The following CSMD1 variants were observed in gnomAD, a reference collection of about 807,000 sequenced individuals.
CSMD1 encodes the protein CUB and Sushi multiple domains 1.
Under a neutral mutation model 417.5 loss-of-function variants are expected in CSMD1, and 213 were observed. The observed-to-expected ratio is 0.51, with a 90% CI of 0.46 to 0.57. CSMD1 has a LOEUF of 0.57. Among genes scored for constraint, CSMD1 ranks in the 20% least tolerant of loss-of-function variants. CSMD1 has a pLI of 0.00. For synonymous variants in CSMD1, 2,862 were observed against 1,736.8 expected (o/e 1.65, Z -16.11); for missense variants, 6,923 against 4,529.7 (o/e 1.53, Z -15.17).
intron 3 of CSMD1, among the ~76,000 whole-genome samples, chr8:4,050,675 A>C (rs1798379336): frequency 6.6e-6 from 1 of 152,052 alleles, no homozygotes; most frequent in Admixed American, 6.6e-5. Flanking sequence ...TGGACCCATT[A>C]CACATCCCCA....
intron 7 of CSMD1, among the ~76,000 whole-genome samples, chr8:3,702,747 G>C (rs1027747348): frequency 1.3e-5 from 2 of 152,180 alleles, no homozygotes; most frequent in Non-Finnish European, 2.9e-5. Flanking sequence ...CAGGAGAATC[G>C]CTGGAACCTG....
At chr8:4,885,753 A>G (rs531718409) in intron 1 of CSMD1, among the ~76,000 whole-genome samples, 1 of 151,886 alleles carries the variant, frequency 6.6e-6, no homozygotes, top group African/African-American at 2.4e-5. Context: ...AAATGAAACA[A>G]TATTTTCACT....
chr8:3,434,236 A>C (rs533286535), intron 12 of CSMD1, among the ~76,000 whole-genome samples: 90 of 152,312 alleles, frequency 5.9e-4, no homozygotes, highest in Non-Finnish European at 1.2e-3. Flanking sequence ...TACCTCTGTA[A>C]GGTACGACTA....
At chr8:3,799,237 T>C (rs1201602742) in intron 5 of CSMD1, among the ~76,000 whole-genome samples, 1 of 151,650 alleles carries the variant, frequency 6.6e-6, no homozygotes, top group Non-Finnish European at 1.5e-5. Flanking sequence ...TACAGTTTTT[T>C]TTCTTTGATC....
At position 4,805,657 on chromosome 8, in the gene CSMD1, T is replaced by G. The variant is rs533647299; in HGVS notation, c.86-168099A>C. Among the ~76,000 whole-genome samples the G allele has an allele frequency of 3.3e-5, 5 of 152,284 alleles. No homozygotes were observed. The East Asian group carries it at 9.7e-4, about 29-fold the overall frequency. On this transcript the variant is annotated intron_variant, in intron 1 of 69. Coordinates refer to ENST00000635120, the MANE Select transcript of CSMD1 (RefSeq NM_033225.6). Reference sequence around the variant, plus strand: ...TGCTTGTGAACCATCTTTAAACACATAAATTATTTTAAAATAAAATACTTT... The same window carrying G: ...TGCTTGTGAACCATCTTTAAACACAGAAATTATTTTAAAATAAAATACTTT...
At chr8:4,640,118 A>G (rs1204070256) in intron 1 of CSMD1, among the ~76,000 whole-genome samples, 1 of 152,230 alleles carries the variant, frequency 6.6e-6, no homozygotes, top group Admixed American at 6.5e-5. Flanking sequence ...AGATGAACAG[A>G]TATGAAGATT....
chr8:4,276,278 G>A (rs559402609), intron 3 of CSMD1, among the ~76,000 whole-genome samples: 41 of 152,240 alleles, frequency 2.7e-4, no homozygotes, highest in East Asian at 7.7e-4. Flanking sequence ...TATACACCAC[G>A]GAATACTATG....
intron 12 of CSMD1, among the ~76,000 whole-genome samples, chr8:3,455,092 T>A (rs1213677381): frequency 1.3e-5 from 2 of 152,212 alleles, no homozygotes; most frequent in Non-Finnish European, 2.9e-5. Flanking sequence ...CCTTTCTTTC[T>A]ATCGATCGAA....
intron 37 of CSMD1, among the ~76,000 whole-genome samples, chr8:3,170,672 G>A (rs968594326): frequency 2.6e-5 from 4 of 152,098 alleles, no homozygotes; most frequent in African/African-American, 9.7e-5. Context: ...ATTAATCCAT[G>A]GATCATGCAC....
intron 26 of CSMD1, among the ~76,000 whole-genome samples, chr8:3,244,240 C>G (rs181689326): frequency 2.6e-5 from 4 of 152,250 alleles, no homozygotes; most frequent in African/African-American, 4.8e-5. Context: ...ACTTTTTATT[C>G]TTTCTTTTCC....
chr8:3,989,726 T>C (rs915094083), intron 5 of CSMD1, among the ~76,000 whole-genome samples: 9 of 152,352 alleles, frequency 5.9e-5, no homozygotes, highest in African/African-American at 2.2e-4. Context: ...TACTTGTATT[T>C]ACTAAAGTCA....
intron 3 of CSMD1, among the ~76,000 whole-genome samples, chr8:4,277,106 A>G (rs1796530697): frequency 6.6e-6 from 1 of 152,160 alleles, no homozygotes; most frequent in Non-Finnish European, 1.5e-5. Context: ...TTTTCTGCCA[A>G]TTAAAAATAG....
chr8:4,859,776 A>C (rs1312802920), intron 1 of CSMD1, among the ~76,000 whole-genome samples: 2 of 152,020 alleles, frequency 1.3e-5, no homozygotes, highest in Non-Finnish European at 2.9e-5. Flanking sequence ...GCTGGAGAGG[A>C]TGTGGAGAAA....
rs1807515468 is a variant in CSMD1, at chr8:3,002,667, T to C, written c.8030-2536A>G. The stretch of plus-strand genomic sequence containing the variant: ...AGGACTCCTTTTAAACCTTAATATT[T>C]TTCTGAACTGAGTTTTTTGTAAGTG... On this transcript the variant is annotated intron_variant, in intron 52 of 69. Coordinates refer to ENST00000635120, the MANE Select transcript of CSMD1 (RefSeq NM_033225.6). Among the ~76,000 whole-genome samples the C allele has an allele frequency of 1.3e-5, 2 of 152,212 alleles. 1 individual carries two copies. The highest frequency in any genetic ancestry group is 1.3e-4 in the Admixed American group (2 of 15,284).
In CSMD1 at chr8:3,400,331, A is replaced by T. The variant is rs538225220; in HGVS notation, c.2267-802T>A. On this transcript the variant is annotated intron_variant, in intron 15 of 69. Transcript: ENST00000635120. ...AGCAATCATCTTTGTGGATTTATAG[A>T]TATCAAATAAAGTACGTGAAAATAC... Among the ~76,000 whole-genome samples the T allele has an allele frequency of 3.9e-5, 6 of 152,298 alleles. No individual in the cohort carries two copies. The East Asian group carries it at 1.2e-3, about 29-fold the overall frequency.
chr8:4,919,372 C>A (rs762885878), intron 1 of CSMD1, among the ~76,000 whole-genome samples: 22 of 152,034 alleles, frequency 1.4e-4, no homozygotes, highest in Non-Finnish European at 2.6e-4. Context: ...TTAGCATAAA[C>A]AAATAATCTA....
chr8:3,389,645 A>T lies in CSMD1; in HGVS notation c.2594-1963T>A, dbSNP rs574479555. ...TGAGGATTATATATTAATGGTTTTA[A>T]TAAGTGAGGATTATATATTAATGGT... On this transcript the variant is annotated intron_variant, in intron 17 of 69. Coordinates refer to ENST00000635120, the MANE Select transcript of CSMD1 (RefSeq NM_033225.6). 1.2e-3 allele frequency among the ~76,000 whole-genome samples: 53 copies of T among 43,828 alleles called. No individual in the cohort carries two copies. In the South Asian group the frequency reaches 0.034, roughly 28 times the overall value. The allele number at this position is 43,828 out of a possible 152,430, so 28.8% of individuals were successfully genotyped here. A position where few individuals can be genotyped will look rare whatever the true frequency, so the allele number is the denominator to read the frequency against.
intron 5 of CSMD1, among the ~76,000 whole-genome samples, chr8:3,912,090 A>C (rs1808500111): frequency 6.6e-6 from 1 of 152,190 alleles, no homozygotes; most frequent in Non-Finnish European, 1.5e-5. Context: ...ACCCTAAATC[A>C]ATAAATATAA....
In CSMD1 at chr8:4,284,051, T is replaced by G. The variant is rs11985294; in HGVS notation, c.415+135902A>C. On this transcript the variant is annotated intron_variant, in intron 3 of 69. Transcript: ENST00000635120. ...AATTCGAAACCAGGCTGGCCATCATTGTGAAACCTGGTCTCTACTAAAAAT... is the reference window on the plus strand; with the variant it reads ...AATTCGAAACCAGGCTGGCCATCATGGTGAAACCTGGTCTCTACTAAAAAT... Among the ~76,000 whole-genome samples, 687 of 151,518 alleles carry G rather than the reference T, an allele frequency of 4.5e-3. 4 individuals are homozygous for G. Among genetic ancestry groups the G allele is most frequent in the African/African-American group, 0.015 (637 of 41,260 alleles).
Sources: gnomAD v4.1 joint callset for allele counts (sites outside exome capture counted in the v4.1 genomes callset) on GRCh38, gnomAD v4.1.1 for gene constraint, MANE v1.5 for transcripts, NCBI Gene and HGNC (gene_info 2026-07-23, HGNC 2026-07-21) for gene names.